GNG7: variants seen among roughly 807,000 people sequenced by gnomAD.
GNG7 encodes the protein G protein subunit gamma 7.
A neutral mutation model predicts 4.0 loss-of-function variants in GNG7; 1 was observed. That is an observed-to-expected ratio of 0.25 (90% CI 0.09 to 1.18). The LOEUF is 1.18. GNG7 is among the 50% of genes most tolerant of loss of function. The pLI, the probability that GNG7 is intolerant of heterozygous loss-of-function variation, is 0.50. For synonymous variants in GNG7, 34 were observed against 36.9 expected, an observed-to-expected ratio of 0.92 and a Z score of 0.29; for missense variants, 86 against 91.9, an observed-to-expected ratio of 0.94 and a Z score of 0.26.
At chr19:2,651,075 G>A (rs1248412392) in intron 1 of GNG7, among the ~76,000 whole-genome samples, 2 of 152,136 alleles carry the variant, frequency 1.3e-5, no homozygotes, top group South Asian at 2.1e-4. Flanking sequence ...AGCAGGTGCC[G>A]AATGTCAGCA....
intron 2 of GNG7, among the ~76,000 whole-genome samples, chr19:2,567,475 A>T (rs1308316420): frequency 3.9e-5 from 6 of 152,052 alleles, no homozygotes; most frequent in Non-Finnish European, 8.8e-5. Context: ...ACAGGTGCAC[A>T]CTACCACACC....
chr19:2,599,768 C>T (rs1423673552), intron 2 of GNG7, among the ~76,000 whole-genome samples: 1 of 152,052 alleles, frequency 6.6e-6, no homozygotes, highest in Non-Finnish European at 1.5e-5. Context: ...GAAACCCCGT[C>T]TCTACTAAAA....
At chr19:2,694,064 G>C (rs143157890) in intron 1 of GNG7, among the ~76,000 whole-genome samples, 21 of 152,226 alleles carry the variant, frequency 1.4e-4, no homozygotes, top group African/African-American at 5.1e-4. Context: ...AATCTTGGTT[G>C]TTTGAGGATA....
chr19:2,512,023 G>C lies in GNG7; in HGVS notation c.*2999C>G, dbSNP rs1345440125. The C allele has an allele frequency of 1.0e-6, 1 of 985,768 alleles. No homozygotes were observed. The highest frequency in any genetic ancestry group is 1.7e-5 in the African/African-American group (1 of 57,232). The allele number at this position is 985,768 out of a possible 1,614,324, so 61.1% of individuals were successfully genotyped here. A position where few individuals can be genotyped will look rare whatever the true frequency, so the allele number is the denominator to read the frequency against. ...GCTCAGCAGCGGGGAAGGCCCGTGG[G>C]AGACCCAGGCTACAGAAGGAGAAAC... On this transcript the variant is annotated 3_prime_UTR_variant, in exon 5 of 5. Coordinates refer to ENST00000382159, the MANE Select transcript of GNG7 (RefSeq NM_052847.3). The surrounding 1 kb of genome is among the most constrained non-coding windows in gnomAD (Gnocchi z 4.7).
At chr19:2,549,260 G>A (rs1175140967) in intron 3 of GNG7, among the ~76,000 whole-genome samples, 2 of 151,708 alleles carry the variant, frequency 1.3e-5, no homozygotes, top group African/African-American at 4.8e-5. Flanking sequence ...GGAGGTGGAG[G>A]AGGACATGCA....
chr19:2,663,546 A>G (rs1443486594), intron 1 of GNG7, among the ~76,000 whole-genome samples: 3 of 152,206 alleles, frequency 2.0e-5, no homozygotes, highest in Non-Finnish European at 1.5e-5. Flanking sequence ...TAGCAGCACA[A>G]AATAAAGACA....
At chr19:2,615,320 C>T (rs963042589) in intron 2 of GNG7, among the ~76,000 whole-genome samples, 5 of 152,088 alleles carry the variant, frequency 3.3e-5, no homozygotes, top group African/African-American at 1.2e-4. Context: ...TGTCCTTCCT[C>T]CTGCCTTCAA....
intron 2 of GNG7, among the ~76,000 whole-genome samples, chr19:2,573,312 C>A (rs1037677285): frequency 6.6e-6 from 1 of 152,036 alleles, no homozygotes; most frequent in Non-Finnish European, 1.5e-5. Flanking sequence ...CCTGAGCCCC[C>A]ACGCCTGGCC....
intron 2 of GNG7, among the ~76,000 whole-genome samples, chr19:2,570,935 T>C (rs1980125636): frequency 6.6e-6 from 1 of 151,496 alleles, no homozygotes; most frequent in South Asian, 2.1e-4. Flanking sequence ...GTAGCTGGGA[T>C]TACATGTGCA....
chr19:2,562,797 C>A (rs182734602), intron 2 of GNG7, among the ~76,000 whole-genome samples: 7 of 152,274 alleles, frequency 4.6e-5, no homozygotes, highest in Admixed American at 4.6e-4. Flanking sequence ...CAGAAGGCTG[C>A]ACACATTGAA....
At chr19:2,632,478 A>T (rs910139055) in intron 2 of GNG7, 4 of 118,520 alleles carry the variant, frequency 3.4e-5, no homozygotes, top group East Asian at 2.1e-4. Flanking sequence ...CAAAACTCAC[A>T]CACACACACA....
At chr19:2,598,546 A>G (rs1287398866) in intron 2 of GNG7, among the ~76,000 whole-genome samples, 1 of 151,650 alleles carries the variant, frequency 6.6e-6, no homozygotes, top group African/African-American at 2.4e-5. Flanking sequence ...AGTCCCAGCT[A>G]CTCGGGAGGC....
chr19:2,583,420 C>T (rs1320347004), intron 2 of GNG7, among the ~76,000 whole-genome samples: 1 of 152,346 alleles, frequency 6.6e-6, no homozygotes, highest in South Asian at 2.1e-4. Context: ...CAGCCGTCTT[C>T]ATGGGGTGAG....
chr19:2,639,246 T>A (rs1407518712), intron 2 of GNG7, among the ~76,000 whole-genome samples: 1 of 144,992 alleles, frequency 6.9e-6, no homozygotes. Context: ...AAAAAAAAAA[T>A]TCCTCTTTGG....
intron 3 of GNG7, among the ~76,000 whole-genome samples, chr19:2,523,962 G>A (rs76147776): frequency 6.6e-6 from 1 of 152,178 alleles, no homozygotes; most frequent in Non-Finnish European, 1.5e-5. Context: ...CGCTCAGAGG[G>A]CTCTGATTCC....
At chr19:2,657,357 A>AAT (rs1983014070) in intron 1 of GNG7, among the ~76,000 whole-genome samples, 1 of 16,166 alleles carries the variant, frequency 6.2e-5, no homozygotes, top group Non-Finnish European at 1.3e-4. Context: ...AAAAAAAAAA[A>AAT]AAAAATATAT....
chr19:2,520,838 T>TAGAC, intron 3 of GNG7, 113 bp from the exon 4 acceptor site: 1 of 597,708 alleles, frequency 1.7e-6, no homozygotes, highest in Non-Finnish European at 3.0e-6. Context: ...CCACTTTGCC[T>TAGAC]CTGGGTGGGG....
chr19:2,524,182 C>A (rs528087804), intron 3 of GNG7, among the ~76,000 whole-genome samples: 24 of 152,320 alleles, frequency 1.6e-4, no homozygotes, highest in African/African-American at 5.3e-4. Context: ...CCCCTGCTGC[C>A]CTGGGCAGCC....
At chr19:2,676,663 G>T (rs573139646) in intron 1 of GNG7, among the ~76,000 whole-genome samples, 232 of 152,232 alleles carry the variant, frequency 1.5e-3, no homozygotes, top group Non-Finnish European at 2.4e-3. Flanking sequence ...TGATCCTCCC[G>T]CCTCGGCCTC....
Sources: gnomAD v4.1 joint callset for allele counts (sites outside exome capture counted in the v4.1 genomes callset) on GRCh38, gnomAD v4.1.1 for gene constraint, Gnocchi (gnomAD v3.1) non-coding constraint, MANE v1.5 for transcripts, NCBI Gene and HGNC (gene_info 2026-07-23, HGNC 2026-07-21) for gene names.